The following MAGI2 variants were observed in gnomAD, a reference collection of about 807,000 sequenced individuals.
The protein encoded by MAGI2 is membrane-associated guanylate kinase, WW and PDZ domain-containing protein 2.
MAGI2 carries 35 observed loss-of-function variants against 133.3 expected under a neutral mutation model. That is an observed-to-expected ratio of 0.26 (90% CI 0.20 to 0.35). The LOEUF (loss-of-function observed/expected upper bound fraction) is 0.35, where lower values mean the gene tolerates loss of function less well. Among genes scored for constraint, MAGI2 ranks in the 10% least tolerant of loss-of-function variants. The pLI is 1.00. For missense variants in MAGI2, 1,636 were observed against 1,863.4 expected (o/e 0.88, Z 2.25); for synonymous variants, 729 against 710.6 (o/e 1.03, Z -0.41).
chr7:78,957,590 A>G (rs1406759571), intron 2 of MAGI2, among the ~76,000 whole-genome samples: 2 of 152,184 alleles, frequency 1.3e-5, no homozygotes, highest in African/African-American at 4.8e-5. Context: ...ATAATAGACC[A>G]AAACCTGTTT....
intron 2 of MAGI2, among the ~76,000 whole-genome samples, chr7:78,724,226 T>C (rs1179978612): frequency 5.3e-5 from 8 of 152,122 alleles, no homozygotes; most frequent in African/African-American, 7.2e-5. Context: ...AGACATTACA[T>C]TGCCTGGGGA....
chr7:79,387,019 T>C (rs1439055512), intron 1 of MAGI2, among the ~76,000 whole-genome samples: 2 of 151,944 alleles, frequency 1.3e-5, no homozygotes, highest in East Asian at 1.9e-4. Context: ...ACACGTTATA[T>C]ATAAATAGTG....
intron 2 of MAGI2, among the ~76,000 whole-genome samples, chr7:78,736,325 G>T (rs530667274): frequency 8.0e-4 from 122 of 152,074 alleles, no homozygotes; most frequent in Non-Finnish European, 1.1e-3. Context: ...CTAAACGTAA[G>T]AATAACTAAC....
chr7:78,592,151 C>A (rs1325373123), intron 3 of MAGI2, among the ~76,000 whole-genome samples: 1 of 152,124 alleles, frequency 6.6e-6, no homozygotes, highest in Non-Finnish European at 1.5e-5. Context: ...GCAAAGAAAT[C>A]TTTTAAATAT....
chr7:78,679,577 A>G (rs1394179565), intron 2 of MAGI2, among the ~76,000 whole-genome samples: 2 of 152,228 alleles, frequency 1.3e-5, no homozygotes, highest in African/African-American at 4.8e-5. Flanking sequence ...AATTTGTATT[A>G]AAGAAAGATC....
At chr7:78,021,910 G>T (rs1171880902) in intron 21 of MAGI2, among the ~76,000 whole-genome samples, 1 of 152,188 alleles carries the variant, frequency 6.6e-6, no homozygotes, top group Non-Finnish European at 1.5e-5. Context: ...CAATGGGAGG[G>T]TCAATCATAT....
intron 1 of MAGI2, among the ~76,000 whole-genome samples, chr7:79,043,371 C>T (rs1013173994): frequency 2.0e-5 from 3 of 151,070 alleles, no homozygotes; most frequent in Non-Finnish European, 3.0e-5. Flanking sequence ...GGTGAAACCC[C>T]GTCTCTACTA....
intron 2 of MAGI2, among the ~76,000 whole-genome samples, chr7:78,647,599 G>A (rs1157223878): frequency 6.6e-6 from 1 of 152,064 alleles, no homozygotes; most frequent in Non-Finnish European, 1.5e-5. Context: ...ATTCCTCAAG[G>A]ATCTAAAACT....
chr7:78,061,183 CT>C (rs34252731), intron 21 of MAGI2, among the ~76,000 whole-genome samples: 29 of 138,994 alleles, frequency 2.1e-4, no homozygotes, highest in Admixed American at 1.4e-4. Context: ...AAAAGGTTTT[CT>C]TTTTTTTTTT....
intron 1 of MAGI2, among the ~76,000 whole-genome samples, chr7:79,355,262 G>C (rs944617209): frequency 2.0e-5 from 3 of 152,162 alleles, no homozygotes; most frequent in Admixed American, 1.3e-4. Flanking sequence ...GGGGAGCAAG[G>C]CTATGATGGG....
At chr7:78,676,665 G>T (rs1042245711) in intron 2 of MAGI2, among the ~76,000 whole-genome samples, 5 of 151,800 alleles carry the variant, frequency 3.3e-5, no homozygotes, top group Non-Finnish European at 5.9e-5. Flanking sequence ...TTGAAAAACC[G>T]GTGTTTTCAG....
At chr7:78,267,884 C>A (rs773629007) in intron 9 of MAGI2, among the ~76,000 whole-genome samples, 1 of 152,054 alleles carries the variant, frequency 6.6e-6, no homozygotes, top group Non-Finnish European at 1.5e-5. Flanking sequence ...ACAAATGGCA[C>A]GGAGGAAAAC....
At chr7:79,104,237 A>T (rs2129543449) in intron 1 of MAGI2, among the ~76,000 whole-genome samples, 1 of 152,336 alleles carries the variant, frequency 6.6e-6, no homozygotes, top group East Asian at 1.9e-4. Flanking sequence ...AGCATCAGCC[A>T]CTGTTCTAGA....
At chr7:78,341,448 G>GA (rs2151179829) in intron 9 of MAGI2, among the ~76,000 whole-genome samples, 1 of 152,136 alleles carries the variant, frequency 6.6e-6, no homozygotes, top group South Asian at 2.1e-4. Context: ...CACAGAACTG[G>GA]AAAAAACCAC....
Position 78,253,595 on chromosome 7 carries a change from ATT to A in MAGI2, c.2047+2346_2047+2347del, listed in dbSNP as rs1341961959. 4 of 152,212 alleles carry A rather than the reference ATT, an allele frequency of 2.6e-5. No individual in the cohort carries two copies. In the East Asian group the frequency reaches 7.7e-4, roughly 29 times the overall value. 9.4% of individuals were successfully genotyped at this position (152,212 alleles called of 1,614,324 possible). A position where few individuals can be genotyped will look rare whatever the true frequency, so the allele number is the denominator to read the frequency against. ...CATCTATATTAAACATACTATATAT[ATT>A]CATACACGTGCTAGTAGACCATAAA... On this transcript the variant is annotated intron_variant, in intron 10 of 21. Transcript: ENST00000354212.
chr7:78,311,398 C>T (rs57936812), intron 9 of MAGI2, among the ~76,000 whole-genome samples: 4 of 152,264 alleles, frequency 2.6e-5, no homozygotes, highest in Admixed American at 1.3e-4. Flanking sequence ...AGCAATGACT[C>T]GAAGTCTCTG....
chr7:78,169,758 C>T (rs921353809), intron 14 of MAGI2, among the ~76,000 whole-genome samples: 2 of 152,186 alleles, frequency 1.3e-5, no homozygotes, highest in African/African-American at 4.8e-5. Context: ...CAGGACAGGC[C>T]TGACATCTCC....
In MAGI2 at chr7:79,169,217, G is replaced by C. The variant is rs181228291; in HGVS notation, c.302-162011C>G. Reference sequence around the variant, plus strand: ...TGGTATTCCTCAGGGTTCTTCCTGTGAGCTGGACCGTTTTCAGTTACGGTT... The same window carrying C: ...TGGTATTCCTCAGGGTTCTTCCTGTCAGCTGGACCGTTTTCAGTTACGGTT... On this transcript the variant is annotated intron_variant, in intron 1 of 21. Coordinates refer to ENST00000354212, the MANE Select transcript of MAGI2 (RefSeq NM_012301.4). Among the ~76,000 whole-genome samples the C allele has an allele frequency of 7.9e-5, 12 of 152,050 alleles. No homozygotes were observed. In the East Asian group the frequency reaches 2.3e-3, roughly 29 times the overall value.
At chr7:78,770,906 T>C (rs940624953) in intron 2 of MAGI2, 1 of 152,336 alleles carries the variant, frequency 6.6e-6, no homozygotes, top group Non-Finnish European at 1.5e-5. Flanking sequence ...CACCTTTCCA[T>C]GGTCCTCAGT....
Sources: gnomAD v4.1 joint callset for allele counts (sites outside exome capture counted in the v4.1 genomes callset) on GRCh38, gnomAD v4.1.1 for gene constraint, MANE v1.5 for transcripts, NCBI Gene and HGNC (gene_info 2026-07-23, HGNC 2026-07-21) for gene names.